Variants in PARD3 observed in about 807,000 individuals in gnomAD.
The protein encoded by PARD3 is par-3 family cell polarity regulator.
Under a neutral mutation model 155.4 loss-of-function variants are expected in PARD3, and 75 were observed. The observed-to-expected ratio is 0.48, with a 90% confidence interval of 0.40 to 0.58. The LOEUF is 0.58. Ranked by LOEUF, PARD3 falls within the 20% of genes least tolerant of loss-of-function variation. The pLI is 0.00. For synonymous variants in PARD3, 576 were observed against 610.5 expected (o/e 0.94, Z 0.83); for missense variants, 1,642 against 1,721.7 (o/e 0.95, Z 0.82).
At chr10:34,586,888 G>T (rs553510030) in intron 2 of PARD3, among the ~76,000 whole-genome samples, 135 of 152,176 alleles carry the variant, frequency 8.9e-4, no homozygotes, top group Non-Finnish European at 8.1e-4. Context: ...GGCAGAGGTT[G>T]CGGTGAGCTG....
intron 12 of PARD3, 79 bp downstream of exon 12, chr10:34,372,419 C>T (rs1840779524): frequency 9.2e-7 from 1 of 1,082,938 alleles, no homozygotes; most frequent in Non-Finnish European, 1.4e-6. Context: ...GGACAAGTAA[C>T]TTCGTATTAA....
At chr10:34,428,037 G>A (rs978875619) in intron 5 of PARD3, among the ~76,000 whole-genome samples, 1 of 152,072 alleles carries the variant, frequency 6.6e-6, no homozygotes, top group African/African-American at 2.4e-5. Context: ...CTTGCAAGGT[G>A]AGCAACTCCC....
At chr10:34,295,076 T>C (rs1268693424) in intron 20 of PARD3, among the ~76,000 whole-genome samples, 1 of 151,908 alleles carries the variant, frequency 6.6e-6, no homozygotes, top group Non-Finnish European at 1.5e-5. Context: ...CAGAAAATGA[T>C]GGCGAGCCAC....
chr10:34,272,024 A>G (rs1955637029), intron 21 of PARD3, among the ~76,000 whole-genome samples: 1 of 152,238 alleles, frequency 6.6e-6, no homozygotes, highest in Non-Finnish European at 1.5e-5. Context: ...AGATACGTTG[A>G]AAACTACACA....
intron 22 of PARD3, among the ~76,000 whole-genome samples, chr10:34,189,793 TA>T (rs1950628499): frequency 6.6e-6 from 1 of 152,134 alleles, no homozygotes; most frequent in Non-Finnish European, 1.5e-5. Flanking sequence ...CTTAGGCATT[TA>T]AAAAGCCATT....
chr10:34,357,699 G>C (rs114227209), intron 14 of PARD3, among the ~76,000 whole-genome samples: 1 of 152,124 alleles, frequency 6.6e-6, no homozygotes, highest in African/African-American at 2.4e-5. Context: ...ATGAATGTTT[G>C]TATGTCCCAC....
intron 2 of PARD3, among the ~76,000 whole-genome samples, chr10:34,517,911 C>T (rs925888426): frequency 1.3e-5 from 2 of 152,226 alleles, no homozygotes; most frequent in Admixed American, 1.3e-4. Flanking sequence ...TGGAGACTCA[C>T]TGAGACGCCC....
At chr10:34,805,718 T>C (rs1488628474) in intron 1 of PARD3, among the ~76,000 whole-genome samples, 1 of 151,992 alleles carries the variant, frequency 6.6e-6, no homozygotes, top group Non-Finnish European at 1.5e-5. Flanking sequence ...GGCTCACGCC[T>C]GTAATCCCAG....
chr10:34,252,567 T>C (rs1160959961), intron 22 of PARD3, among the ~76,000 whole-genome samples: 4 of 152,120 alleles, frequency 2.6e-5, no homozygotes, highest in African/African-American at 9.7e-5. Flanking sequence ...GAAAGGGAAA[T>C]GGCAGCGGCC....
chr10:34,771,615 GCTTTT>G (rs1838876427), intron 1 of PARD3, among the ~76,000 whole-genome samples: 1 of 152,236 alleles, frequency 6.6e-6, no homozygotes, highest in Non-Finnish European at 1.5e-5. Flanking sequence ...TTACTTGCTG[GCTTTT>G]CTTTGGTGTC....
At chr10:34,540,292 ATCCTCCAAAGCTCCCTGTGGT>A (rs2083513588) in intron 2 of PARD3, among the ~76,000 whole-genome samples, 1 of 151,940 alleles carries the variant, frequency 6.6e-6, no homozygotes, top group African/African-American at 2.4e-5. Flanking sequence ...GAATGAACAA[ATCCTCCAAAGCTCCCTGTGGT>A]TCACAACACA....
chr10:34,210,124 G>A (rs1951670019), intron 22 of PARD3, among the ~76,000 whole-genome samples: 1 of 152,118 alleles, frequency 6.6e-6, no homozygotes, highest in Non-Finnish European at 1.5e-5. Context: ...GCGAGGCCAG[G>A]ACTAAGAACT....
At chr10:34,182,742 TA>T (rs11406207) in intron 22 of PARD3, among the ~76,000 whole-genome samples, 26,938 of 133,292 alleles carry the variant, frequency 0.2, 3,141 homozygotes, top group Non-Finnish European at 0.27. Context: ...CTACATTTCT[TA>T]AAAAAAAAAA....
chr10:34,429,202 A>C (rs957646563), intron 5 of PARD3, among the ~76,000 whole-genome samples: 9 of 152,102 alleles, frequency 5.9e-5, no homozygotes, highest in African/African-American at 2.2e-4. Context: ...TCGGAAAATG[A>C]ATTTTTATAT....
chr10:34,506,241 G>A lies in PARD3; in HGVS notation c.403+10738C>T, dbSNP rs1460616025. 2.0e-5 allele frequency among the ~76,000 whole-genome samples: 3 copies of A among 152,250 alleles called. No individual in the cohort carries two copies. In the East Asian group the frequency reaches 5.8e-4, roughly 29 times the overall value. On this transcript the variant is annotated intron_variant, in intron 3 of 24. Transcript: ENST00000374788. ...TTTGGAAATGCCACAGATCTTGAGG[G>A]GTAATAAGTACTCATACATTTTCAG...
intron 22 of PARD3, among the ~76,000 whole-genome samples, chr10:34,235,990 G>C (rs1482591310): frequency 6.6e-6 from 1 of 151,928 alleles, no homozygotes; most frequent in South Asian, 2.1e-4. Context: ...CAACTAAAAG[G>C]GTGTCACTAG....
intron 1 of PARD3, among the ~76,000 whole-genome samples, chr10:34,721,909 G>A (rs1011733302): frequency 2.0e-5 from 3 of 152,194 alleles, no homozygotes; most frequent in African/African-American, 7.2e-5. Flanking sequence ...TGGGTGCAGT[G>A]GCTCACGCCT....
At chr10:34,707,574 G>T (rs1255965736) in intron 1 of PARD3, among the ~76,000 whole-genome samples, 2 of 152,170 alleles carry the variant, frequency 1.3e-5, no homozygotes, top group South Asian at 4.1e-4. Context: ...AGAGGAAGCT[G>T]AAACACCTTG....
rs137923885 is a variant in PARD3 at position 34,765,094 on chromosome 10, T to C, written c.120+49782A>G. Among the ~76,000 whole-genome samples the C allele has an allele frequency of 8.8e-3, 1,340 of 152,262 alleles. 15 individuals carry two copies. The highest frequency in any genetic ancestry group is 0.03 in the African/African-American group (1,230 of 41,542). On this transcript the variant is annotated intron_variant, in intron 1 of 24. Coordinates refer to ENST00000374788, the MANE Select transcript of PARD3 (RefSeq NM_001184785.2). ...ACGAGAGCCAAAAGTAAACATAGTATTGAGAGAAAGACACACCTGCCCCTT... is the reference window on the plus strand; with the variant it reads ...ACGAGAGCCAAAAGTAAACATAGTACTGAGAGAAAGACACACCTGCCCCTT...
Sources: allele counts gnomAD v4.1 joint callset (sites outside exome capture counted in the v4.1 genomes callset), GRCh38; gene constraint gnomAD v4.1.1; transcripts MANE v1.5; gene names NCBI Gene and HGNC (gene_info 2026-07-23, HGNC 2026-07-21).